TDRD12: variants seen among roughly 807,000 people sequenced by gnomAD.
TDRD12 encodes the protein tudor domain containing 12.
A neutral mutation model predicts 133.5 loss-of-function variants in TDRD12; 158 were observed. The ratio of observed to expected loss-of-function variants is 1.18; its 90% CI spans 1.04 to 1.35. The LOEUF (loss-of-function observed/expected upper bound fraction) is 1.35, where lower values mean the gene tolerates loss of function less well. Ranked by LOEUF, TDRD12 falls within the 40% of genes most tolerant of loss-of-function variation. The pLI is 0.00. For missense variants in TDRD12, 1,443 were observed against 1,321.3 expected, an observed-to-expected ratio of 1.09 and a Z score of -1.43; for synonymous variants, 460 against 477.9, an observed-to-expected ratio of 0.96 and a Z score of 0.49.
exon 21 of TDRD12, chr19:32,802,930 T>G (rs964956969): frequency 3.9e-6 from 6 of 1,534,648 alleles, no homozygotes; most frequent in Admixed American, 2.0e-5. Flanking sequence ...AGGGTTCTCC[T>G]GCAGAACAGG....
intron 3 of TDRD12, among the ~76,000 whole-genome samples, chr19:32,740,514 G>A (rs192438372): frequency 1.5e-3 from 218 of 149,972 alleles, no homozygotes; most frequent in African/African-American, 4.9e-3. Context: ...CATCTCCTGC[G>A]TTCTCTGCAT....
chr19:32,801,684 A>G (rs890724981), intron 18 of TDRD12, 72 bp from the exon 19 acceptor site: 6 of 489,546 alleles, frequency 1.2e-5, no homozygotes, highest in African/African-American at 7.9e-5. Context: ...TACATTGACA[A>G]TTATTGATGG....
rs1970019465 is a variant in TDRD12, at chr19:32,757,141, C to T, written c.865+11C>T. On this transcript the variant is annotated intron_variant, in intron 8 of 27. Coordinates refer to ENST00000444215, the Ensembl canonical transcript of TDRD12. Reference sequence around the variant, plus strand: ...CAGCCACAGCACAGGGTGAGTTCTGCTAATGTGGTTTATTTCATAGGCAGC... The same window carrying T: ...CAGCCACAGCACAGGGTGAGTTCTGTTAATGTGGTTTATTTCATAGGCAGC... The T allele has an allele frequency of 6.5e-7, 1 of 1,544,724 alleles. No individual in the cohort carries two copies. The highest frequency in any genetic ancestry group is 8.8e-7 in the Non-Finnish European group (1 of 1,141,014).
At chr19:32,789,566 A>G (rs1971008451) in intron 11 of TDRD12, among the ~76,000 whole-genome samples, 2 of 152,188 alleles carry the variant, frequency 1.3e-5, no homozygotes, top group Admixed American at 1.3e-4. Flanking sequence ...AGTGTTTCCA[A>G]GGCTCATCTC....
intron 21 of TDRD12, among the ~76,000 whole-genome samples, chr19:32,805,198 TAC>T (rs762012247): frequency 2.4e-3 from 196 of 80,462 alleles, no homozygotes; most frequent in African/African-American, 6.7e-3. Flanking sequence ...AATATATATA[TAC>T]ACACACACAC....
At chr19:32,797,941 G>C (rs1408137589) in intron 15 of TDRD12, 50 bp downstream of exon 15, 3 of 647,570 alleles carry the variant, frequency 4.6e-6, no homozygotes, top group African/African-American at 3.6e-5. Context: ...CCTTTTCACT[G>C]TCTTCCCTAC....
intron 1 of TDRD12, among the ~76,000 whole-genome samples, chr19:32,726,032 C>T (rs1186828924): frequency 6.6e-6 from 1 of 151,828 alleles, no homozygotes; most frequent in Non-Finnish European, 1.5e-5. Flanking sequence ...ACGAAGTTTG[C>T]CATCTCAACC....
intron 11 of TDRD12, among the ~76,000 whole-genome samples, chr19:32,777,527 G>C (rs1970617081): frequency 6.6e-6 from 1 of 151,856 alleles, no homozygotes; most frequent in African/African-American, 2.4e-5. Context: ...GATCTTTTGG[G>C]GCTGTTGATG....
intron 8 of TDRD12, among the ~76,000 whole-genome samples, chr19:32,768,302 C>A (rs1326948980): frequency 6.6e-6 from 1 of 151,942 alleles, no homozygotes; most frequent in Non-Finnish European, 1.5e-5. Flanking sequence ...AATTTTAATT[C>A]TCTTTTAAAG....
rs1184892781 is a variant in TDRD12 at position 32,772,643 on chromosome 19, CAT to C, written c.866-107_866-106del. On this transcript the variant is annotated intron_variant, in intron 8 of 27. Coordinates refer to ENST00000444215, the Ensembl canonical transcript of TDRD12. ...AAATTCATATTCCATAAAAATTTAA[CAT>C]ATTAAGATTTTATAATGGTATTTGC... 6.4e-6 allele frequency: 4 copies of C among 626,120 alleles called. No individual in the cohort carries two copies. The East Asian group carries it at 1.0e-4, about 16-fold the overall frequency. 38.8% of individuals were successfully genotyped at this position (626,120 alleles called of 1,614,324 possible).
intron 23 of TDRD12, among the ~76,000 whole-genome samples, chr19:32,810,824 C>T (rs1966977860): frequency 1.3e-5 from 2 of 151,908 alleles, no homozygotes; most frequent in African/African-American, 2.4e-5. Flanking sequence ...CCCAGGAGGT[C>T]GAGGCTGCAT....
intron 23 of TDRD12, 123 bp downstream of exon 23, chr19:32,810,400 GTGTCCCCCCAGATGCC>G: frequency 1.3e-6 from 1 of 786,238 alleles, no homozygotes; most frequent in Non-Finnish European, 1.9e-6. Flanking sequence ...TGACAGCGGG[GTGTCCCCCCAGATGCC>G]TGCTCCAGTT....
At chr19:32,821,985 T>TG (rs796141370), downstream of TDRD12, among the ~76,000 whole-genome samples, 5 of 151,730 alleles carry the variant, frequency 3.3e-5, no homozygotes, top group South Asian at 4.2e-4. Flanking sequence ...CTGGGCATGG[T>TG]GGGGGGGCAC....
chr19:32,767,844 G>A (rs147374009), intron 8 of TDRD12, among the ~76,000 whole-genome samples: 1 of 152,048 alleles, frequency 6.6e-6, no homozygotes, highest in African/African-American at 2.4e-5. Context: ...AAAAATCAGG[G>A]GTTCTGTTAC....
At chr19:32,761,026 A>G (rs1300854205) in intron 8 of TDRD12, among the ~76,000 whole-genome samples, 1 of 152,270 alleles carries the variant, frequency 6.6e-6, no homozygotes, top group Non-Finnish European at 1.5e-5. Context: ...TTGTGATCAT[A>G]TAACTCCCAG....
chr19:32,756,464 T>G (rs1372158191), intron 7 of TDRD12, among the ~76,000 whole-genome samples: 2 of 151,638 alleles, frequency 1.3e-5, no homozygotes, highest in African/African-American at 4.8e-5. Flanking sequence ...CTCGGCTCAC[T>G]GCAAGCTCCT....
chr19:32,723,028 G>A (rs1968737694), intron 1 of TDRD12, among the ~76,000 whole-genome samples: 2 of 152,036 alleles, frequency 1.3e-5, no homozygotes, highest in Admixed American at 6.6e-5. Flanking sequence ...TTTACATTTA[G>A]ATATATGATC....
At chr19:32,761,202 A>G (rs1425675476) in intron 8 of TDRD12, among the ~76,000 whole-genome samples, 1 of 151,886 alleles carries the variant, frequency 6.6e-6, no homozygotes, top group Non-Finnish European at 1.5e-5. Context: ...TGCAAGCTCC[A>G]CCTCCCAGGT....
At chr19:32,767,278 A>C (rs2145583346) in intron 8 of TDRD12, among the ~76,000 whole-genome samples, 1 of 151,716 alleles carries the variant, frequency 6.6e-6, no homozygotes, top group East Asian at 2.0e-4. Context: ...ACAGGTGTGC[A>C]CCACTATGCC....
Sources: allele counts gnomAD v4.1 joint callset (sites outside exome capture counted in the v4.1 genomes callset), GRCh38; gene constraint gnomAD v4.1.1; transcripts MANE v1.5; gene names NCBI Gene and HGNC (gene_info 2026-07-23, HGNC 2026-07-21).